The following RAB3IP variants were observed in gnomAD, a reference collection of about 807,000 sequenced individuals.
RAB3IP encodes rab-3A-interacting protein.
RAB3IP carries 36 observed loss-of-function variants against 59.1 expected under a neutral mutation model. That is an observed-to-expected ratio of 0.61 (90% confidence interval 0.47 to 0.80). The LOEUF (loss-of-function observed/expected upper bound fraction) is 0.80, where lower values mean the gene tolerates loss of function less well. RAB3IP is among the 30% of genes least tolerant of loss of function. The pLI, the probability that RAB3IP is intolerant of heterozygous loss-of-function variation, is 0.00. For missense variants in RAB3IP, 511 were observed against 536.0 expected, an observed-to-expected ratio of 0.95 and a Z score of 0.46; for synonymous variants, 207 against 191.2, an observed-to-expected ratio of 1.08 and a Z score of -0.68.
intron 6 of RAB3IP, chr12:69,796,749 T>C: frequency 2.2e-6 from 1 of 463,996 alleles, no homozygotes. Context: ...TAACTTTAAT[T>C]CTAATTCTTT....
intron 5 of RAB3IP, 44 bp downstream of exon 5, chr12:69,794,558 A>G (rs1877148961): frequency 6.9e-7 from 1 of 1,456,312 alleles, no homozygotes; most frequent in Non-Finnish European, 9.5e-7. Context: ...AATTTGTGAT[A>G]ACTGTTTTAA....
At chr12:69,770,427 G>A (rs1182928901) in intron 3 of RAB3IP, among the ~76,000 whole-genome samples, 1 of 152,094 alleles carries the variant, frequency 6.6e-6, no homozygotes. Flanking sequence ...TAAATGCTGT[G>A]TAAATAGTTG....
At chr12:69,763,890 A>G (rs1871774586) in intron 3 of RAB3IP, among the ~76,000 whole-genome samples, 1 of 152,226 alleles carries the variant, frequency 6.6e-6, no homozygotes, top group Non-Finnish European at 1.5e-5. Flanking sequence ...TAATTTGCTT[A>G]GGATAATAGC....
At chr12:69,739,104 C>T (rs1021556086) in intron 1 of RAB3IP, 73 bp downstream of exon 1, 1 of 152,248 alleles carries the variant, frequency 6.6e-6, no homozygotes, top group Non-Finnish European at 1.5e-5. Flanking sequence ...GCGCCCGCCT[C>T]TGGCGAGTCG....
chr12:69,810,387 A>C lies in RAB3IP; in HGVS notation c.1131-2391A>C, dbSNP rs535169374. Among the ~76,000 whole-genome samples the C allele has an allele frequency of 2.0e-5, 3 of 152,230 alleles. No homozygotes were observed. In the South Asian group the frequency reaches 6.2e-4, roughly 32 times the overall value. On this transcript the variant is annotated intron_variant, in intron 8 of 10. Coordinates refer to ENST00000247833, the MANE Select transcript of RAB3IP (RefSeq NM_022456.5). Reference sequence around the variant, plus strand: ...GGCAGTCTGCCTGTTCTCAGATCTCAAGCTGCGTGCTGGGAGAACCACTGC... The same window carrying C: ...GGCAGTCTGCCTGTTCTCAGATCTCCAGCTGCGTGCTGGGAGAACCACTGC...
chr12:69,761,173 A>G (rs1213098251), intron 3 of RAB3IP, among the ~76,000 whole-genome samples: 1 of 152,218 alleles, frequency 6.6e-6, no homozygotes, highest in Non-Finnish European at 1.5e-5. Context: ...CTTCTGAAAT[A>G]TCTAATCTGT....
intron 1 of RAB3IP, among the ~76,000 whole-genome samples, chr12:69,744,686 C>T (rs1592426758): frequency 1.6e-5 from 1 of 61,310 alleles, no homozygotes; most frequent in African/African-American, 6.2e-5. Flanking sequence ...AGCGAGACTG[C>T]ATCTCAAAAA....
At chr12:69,814,878 A>T (rs1410526159) in intron 10 of RAB3IP, among the ~76,000 whole-genome samples, 1 of 152,196 alleles carries the variant, frequency 6.6e-6, no homozygotes, top group Non-Finnish European at 1.5e-5. Context: ...TGAGCCATAC[A>T]CAAAACCTTT....
chr12:69,747,802 C>G (rs1565869057), intron 1 of RAB3IP, among the ~76,000 whole-genome samples: 1 of 152,166 alleles, frequency 6.6e-6, no homozygotes, highest in Non-Finnish European at 1.5e-5. Flanking sequence ...TGATCCAATT[C>G]TACACTGAAA....
At position 69,822,385 on chromosome 12, in the gene RAB3IP, A is replaced by G. The variant is rs1881840418; in HGVS notation, c.*6939A>G. ...TGCCACAGAGATCTCTCTGAGTTAA[A>G]TGGGATTGTATCATGCCCCACACCC... is the stretch of plus-strand genomic sequence containing the variant. On this transcript the variant is annotated 3_prime_UTR_variant, in exon 11 of 11. Coordinates refer to ENST00000247833, the MANE Select transcript of RAB3IP (RefSeq NM_022456.5). 2 of 152,116 alleles carry G rather than the reference A, an allele frequency of 1.3e-5. No homozygotes were observed. The highest frequency in any genetic ancestry group is 4.1e-4 in the South Asian group (2 of 4,824). The allele number at this position is 152,116 out of a possible 1,614,324, so 9.4% of individuals were successfully genotyped here.
intron 8 of RAB3IP, among the ~76,000 whole-genome samples, chr12:69,807,308 A>G (rs1342592629): frequency 6.8e-5 from 10 of 148,046 alleles, no homozygotes; most frequent in African/African-American, 2.5e-4. Context: ...CACCTCCCAG[A>G]CGGGGCGGCC....
chr12:69,802,747 T>C (rs1245844675), intron 8 of RAB3IP, among the ~76,000 whole-genome samples: 1 of 152,200 alleles, frequency 6.6e-6, no homozygotes, highest in East Asian at 1.9e-4. Flanking sequence ...GTTGTAGGAA[T>C]TGTGTGCTTG....
rs542030977 is a variant in RAB3IP, at chr12:69,796,605, G to A, written c.888+1261G>A. 19 of 621,052 alleles carry A rather than the reference G, an allele frequency of 3.1e-5. No individual in the cohort carries two copies. The East Asian group carries it at 5.4e-4, about 18-fold the overall frequency. 38.5% of individuals were successfully genotyped at this position (621,052 alleles called of 1,614,324 possible). On this transcript the variant is annotated intron_variant, in intron 6 of 10. Transcript: ENST00000247833. ...TAACCAATGTTAACCTGTTTTAATT[G>A]AATTGCATTTTGACGAATTATCAAT... is the stretch of plus-strand genomic sequence containing the variant.
At chr12:69,802,617 T>C (rs907445983) in intron 8 of RAB3IP, among the ~76,000 whole-genome samples, 3 of 152,186 alleles carry the variant, frequency 2.0e-5, no homozygotes, top group Admixed American at 6.5e-5. Context: ...CAGATCAATA[T>C]AGGGGACTGG....
Position 69,815,617 on chromosome 12 carries a change from G to T in RAB3IP, c.*171G>T, listed in dbSNP as rs1232452459. The T allele has an allele frequency of 2.3e-6, 1 of 434,386 alleles. No homozygotes were observed. Among genetic ancestry groups the T allele is most frequent in the Non-Finnish European group, 4.1e-6 (1 of 244,806 alleles). 26.9% of individuals were successfully genotyped at this position (434,386 alleles called of 1,614,324 possible). A position where few individuals can be genotyped will look rare whatever the true frequency, so the allele number is the denominator to read the frequency against. On this transcript the variant is annotated 3_prime_UTR_variant, in exon 11 of 11. Coordinates refer to ENST00000247833, the MANE Select transcript of RAB3IP (RefSeq NM_022456.5). ...TTTTAAACTGATCTATGCTGTGTTT[G>T]CTTATTCTTTAGTTGAACACACTAT...
At chr12:69,754,342 G>GACACACACACACACAC (rs146834778) in intron 1 of RAB3IP, among the ~76,000 whole-genome samples, 4 of 149,968 alleles carry the variant, frequency 2.7e-5, no homozygotes, top group African/African-American at 4.9e-5. Flanking sequence ...CAGATACACG[G>GACACACACACACACAC]GCACACACAC....
chr12:69,749,287 G>A (rs948548745), intron 1 of RAB3IP, among the ~76,000 whole-genome samples: 5 of 152,178 alleles, frequency 3.3e-5, no homozygotes, highest in African/African-American at 1.2e-4. Context: ...TAGGTTGCAT[G>A]CTTCTTAAGA....
chr12:69,814,093 G>T (rs1470715678), intron 10 of RAB3IP, among the ~76,000 whole-genome samples: 1 of 151,920 alleles, frequency 6.6e-6, no homozygotes, highest in Non-Finnish European at 1.5e-5. Context: ...TACTTTTTTT[G>T]ACTTTAATAA....
chr12:69,780,267 G>A (rs1250060594), intron 3 of RAB3IP, among the ~76,000 whole-genome samples: 1 of 152,240 alleles, frequency 6.6e-6, no homozygotes, highest in Non-Finnish European at 1.5e-5. Context: ...AGGAACTGGA[G>A]CTGAGACTGG....
Sources: allele counts gnomAD v4.1 joint callset (sites outside exome capture counted in the v4.1 genomes callset), GRCh38; gene constraint gnomAD v4.1.1; transcripts MANE v1.5; gene names NCBI Gene and HGNC (gene_info 2026-07-23, HGNC 2026-07-21).